UMODL1: variants seen among roughly 807,000 people sequenced by gnomAD.
The protein encoded by UMODL1 is uromodulin like 1, also known as uromodulin-like 1.
UMODL1 carries 128 observed loss-of-function variants against 136.3 expected under a neutral mutation model. That is an observed-to-expected ratio of 0.94 (90% CI 0.81 to 1.09). UMODL1 has a LOEUF of 1.09. Among genes scored for constraint, UMODL1 ranks in the 50% least tolerant of loss-of-function variants. UMODL1 has a pLI of 0.00. For synonymous variants in UMODL1, 721 were observed against 720.0 expected (o/e 1.00, Z -0.02); for missense variants, 1,766 against 1,725.6 (o/e 1.02, Z -0.41).
intron 1 of UMODL1, among the ~76,000 whole-genome samples, chr21:42,064,322 C>A (rs552909714): frequency 6.6e-6 from 1 of 152,310 alleles, no homozygotes; most frequent in East Asian, 1.9e-4. Flanking sequence ...GAGGAGAGAA[C>A]CCCTCCTGCC....
rs200404746 is a variant in UMODL1, at chr21:42,127,199, A to G, written c.3487A>G (p.Ser1163Gly). ...GACGGAGTGCTGGGCAACCCCGTCT[A>G]GCAACGCCCGGGACCCCATCACCTT... The part of the protein sequence containing the change: ...VLTECWATPS[S>G]NARDPITFSF... Residue 1163 changes from serine (S) to glycine (G), a missense_variant, in exon 19 of 23, where the codon AGC becomes GGC. By Grantham distance (56) the Ser-to-Gly change is moderately conservative. Coordinates refer to ENST00000408910, the MANE Select transcript of UMODL1 (RefSeq NM_001004416.3). 38 of 1,614,084 alleles carry G rather than the reference A, an allele frequency of 2.4e-5. No homozygotes were observed. The African/African-American group carries it at 4.8e-4, about 20-fold the overall frequency.
At chr21:42,142,035 C>T (rs1239190160) in intron 22 of UMODL1, 61 bp from the exon 23 acceptor site, 1 of 152,266 alleles carries the variant, frequency 6.6e-6, no homozygotes, top group Admixed American at 6.5e-5. Context: ...CTGGGGTTTT[C>T]TGTATTAACT....
upstream of UMODL1, among the ~76,000 whole-genome samples, chr21:42,069,229 A>AACACACACACACACACACACACACAC (rs61712292): frequency 1.6e-4 from 22 of 136,390 alleles, no homozygotes; most frequent in East Asian, 2.1e-4. Context: ...CACAGACAGA[A>AACACACACACACACACACACACACAC]ACACACACAC....
At chr21:42,072,068 A>AAAG (rs1413352456) in intron 1 of UMODL1, among the ~76,000 whole-genome samples, 1 of 114,764 alleles carries the variant, frequency 8.7e-6, no homozygotes, top group Non-Finnish European at 1.9e-5. Flanking sequence ...AACAAACAAA[A>AAAG]AAAGCCACAA....
At chr21:42,068,025 G>A (rs371059091), upstream of UMODL1, among the ~76,000 whole-genome samples, 30 of 152,162 alleles carry the variant, frequency 2.0e-4, no homozygotes, top group Admixed American at 1.8e-3. The surrounding 1 kb of genome is among the most constrained non-coding windows in gnomAD (Gnocchi z 5.5). Flanking sequence ...AAACAGAGGC[G>A]GCCCGGAGAA....
Position 42,129,709 on chromosome 21 carries a change from AC to A in UMODL1, c.3691-3del. On this transcript the variant is annotated splice_region_variant and splice_polypyrimidine_tract_variant and intron_variant, in intron 20 of 22. Coordinates refer to ENST00000408910, the MANE Select transcript of UMODL1 (RefSeq NM_001004416.3). Reference sequence around the variant, plus strand: ...CGTTTCTCTTCTTGGAAAAAAAAAAACAGAATTGCAATAACTTTCGGTTGCT... The same window carrying A: ...CGTTTCTCTTCTTGGAAAAAAAAAAAAGAATTGCAATAACTTTCGGTTGCT... 1.9e-6 allele frequency: 3 copies of A among 1,571,364 alleles called. No individual in the cohort carries two copies. Among genetic ancestry groups the A allele is most frequent in the East Asian group, 2.3e-5 (1 of 43,914 alleles).
chr21:42,098,387 A>C (rs220311), intron 6 of UMODL1, among the ~76,000 whole-genome samples: 43,375 of 151,888 alleles, frequency 0.29, 6,325 homozygotes, highest in East Asian at 0.36. Context: ...ATCCTGAGCT[A>C]CCTTCCAAAA....
upstream of UMODL1, among the ~76,000 whole-genome samples, chr21:42,067,845 C>T (rs556699341): frequency 6.6e-6 from 1 of 152,240 alleles, no homozygotes; most frequent in African/African-American, 2.4e-5. Context: ...TCCAACCCGG[C>T]AACTGCTGCC....
At chr21:42,101,958 G>T (rs2066639840) in intron 7 of UMODL1, 2 of 466,900 alleles carry the variant, frequency 4.3e-6, no homozygotes, top group South Asian at 2.1e-5. Context: ...CCTCCTTCCT[G>T]GGATGTCTCT....
intron 14 of UMODL1, among the ~76,000 whole-genome samples, chr21:42,117,754 C>T (rs2066919517): frequency 1.3e-5 from 2 of 152,138 alleles, no homozygotes; most frequent in South Asian, 2.1e-4. Flanking sequence ...CAGTTGTTGA[C>T]GGTTTGATTA....
At chr21:42,074,825 A>G (rs1363567741) in intron 1 of UMODL1, among the ~76,000 whole-genome samples, 1 of 150,552 alleles carries the variant, frequency 6.6e-6, no homozygotes, top group African/African-American at 2.4e-5. Context: ...CCTGGGTTCA[A>G]GCAATTCTCC....
chr21:42,123,189 G>A lies in UMODL1; in HGVS notation c.3147+39G>A. 1 of 1,572,994 alleles carries A rather than the reference G, an allele frequency of 6.4e-7. No individual in the cohort carries two copies. Among genetic ancestry groups the A allele is most frequent in the South Asian group, 1.2e-5 (1 of 84,536 alleles). On this transcript the variant is annotated intron_variant, in intron 17 of 22. Transcript: ENST00000408910. This position sits in a 1 kb window ranked among gnomAD's most constrained non-coding sequence, Gnocchi z 4.4. ...AGCCAGGCTCAGGATGTACACTAGGGCGCAAGGGGCTCTAGGTTACATGGG... is the reference window on the plus strand; with the variant it reads ...AGCCAGGCTCAGGATGTACACTAGGACGCAAGGGGCTCTAGGTTACATGGG...
At chr21:42,103,072 G>A (rs575382637) in intron 8 of UMODL1, 1 of 157,890 alleles carries the variant, frequency 6.3e-6, no homozygotes, top group East Asian at 1.9e-4. Flanking sequence ...GCTCCAGAAG[G>A]AGACATTATC....
At chr21:42,114,526 C>T (rs2066879034) in intron 13 of UMODL1, among the ~76,000 whole-genome samples, 1 of 151,286 alleles carries the variant, frequency 6.6e-6, no homozygotes, top group Non-Finnish European at 1.5e-5. Flanking sequence ...GGGCGCACAC[C>T]CCTTGAGGGA....
rs113211354 is a variant in UMODL1 at position 42,073,019 on chromosome 21, T to C, written c.76+1627T>C. Among the ~76,000 whole-genome samples the C allele has an allele frequency of 7.7e-3, 903 of 117,750 alleles. 3 individuals are homozygous for C. The highest frequency in any genetic ancestry group is 0.043 in the South Asian group (164 of 3,840). 77.2% of individuals were successfully genotyped at this position (117,750 alleles called of 152,430 possible). The stretch of plus-strand genomic sequence containing the variant: ...TCCACAGGAGATGAGTGTGTGTGTG[T>C]GTGCGCGCGCGCGTGTGTGTGTGTG... On this transcript the variant is annotated intron_variant, in intron 1 of 22. Coordinates refer to ENST00000408910, the MANE Select transcript of UMODL1 (RefSeq NM_001004416.3).
In UMODL1 at chr21:42,065,321, C is replaced by T. The variant is rs535400472; in HGVS notation, c.-141+2107C>T. 2.0e-5 allele frequency among the ~76,000 whole-genome samples: 3 copies of T among 152,304 alleles called. No homozygotes were observed. In the South Asian group the frequency reaches 6.2e-4, roughly 32 times the overall value. ...TTGCGTTTCAGTTCAGATTCTATTG[C>T]TCTTGCTTCATTATTTCAAAGCCAC... On this transcript the variant is annotated intron_variant, in intron 1 of 22. Transcript: ENST00000400424.
chr21:42,120,993 T>C, intron 15 of UMODL1, 94 bp from the exon 16 acceptor site: 1 of 1,474,982 alleles, frequency 6.8e-7, no homozygotes, highest in Non-Finnish European at 9.1e-7. Flanking sequence ...GTTTCCAGCT[T>C]TGTCTGTGAG....
At chr21:42,135,458 T>C (rs1006632774) in intron 21 of UMODL1, among the ~76,000 whole-genome samples, 19 of 152,316 alleles carry the variant, frequency 1.2e-4, no homozygotes, top group Admixed American at 2.6e-4. Flanking sequence ...AGGTGGCAAC[T>C]GAACAGGGAT....
chr21:42,088,120 G>A (rs988563858), intron 4 of UMODL1, among the ~76,000 whole-genome samples, 174 bp from the exon 5 acceptor site: 12 of 152,216 alleles, frequency 7.9e-5, no homozygotes, highest in Admixed American at 2.6e-4. Context: ...GTTCCGGTTT[G>A]TAGGACTTCT....
Sources: gnomAD v4.1 joint callset for allele counts (sites outside exome capture counted in the v4.1 genomes callset) on GRCh38, gnomAD v4.1.1 for gene constraint, Gnocchi (gnomAD v3.1) non-coding constraint, MANE v1.5 for transcripts, NCBI Gene and HGNC (gene_info 2026-07-23, HGNC 2026-07-21) for gene names.